Variants in LRBA observed in about 807,000 individuals in gnomAD.
LRBA encodes lipopolysaccharide-responsive and beige-like anchor protein.
Under a neutral mutation model 330.0 loss-of-function variants are expected in LRBA, and 176 were observed. The ratio of observed to expected loss-of-function variants is 0.53; its 90% CI spans 0.47 to 0.60. The LOEUF (loss-of-function observed/expected upper bound fraction) is 0.60, where lower values mean the gene tolerates loss of function less well. LRBA is among the 20% of genes least tolerant of loss of function. The pLI, the probability that LRBA is intolerant of heterozygous loss-of-function variation, is 0.00. For synonymous variants in LRBA, 1,230 were observed against 1,193.0 expected, an observed-to-expected ratio of 1.03 and a Z score of -0.64; for missense variants, 3,259 against 3,444.8, an observed-to-expected ratio of 0.95 and a Z score of 1.35.
intron 47 of LRBA, among the ~76,000 whole-genome samples, chr4:150,388,629 G>A (rs1218012791): frequency 4.6e-5 from 7 of 152,106 alleles, no homozygotes; most frequent in African/African-American, 1.7e-4. Context: ...AGAAGAAGTA[G>A]GAAATTGTGA....
chr4:150,745,699 A>G (rs937394702), intron 35 of LRBA, among the ~76,000 whole-genome samples: 29 of 152,258 alleles, frequency 1.9e-4, no homozygotes, highest in Admixed American at 1.8e-3. Flanking sequence ...TATCTTTAGT[A>G]GAGACGGGAT....
chr4:150,545,469 T>C (rs1765754177), intron 40 of LRBA, among the ~76,000 whole-genome samples: 2 of 152,104 alleles, frequency 1.3e-5, no homozygotes, highest in Non-Finnish European at 1.5e-5. Flanking sequence ...TAGAATCCCA[T>C]CCAGGGAATC....
intron 34 of LRBA, among the ~76,000 whole-genome samples, chr4:150,791,164 G>A (rs1209609814): frequency 1.3e-5 from 2 of 152,146 alleles, no homozygotes; most frequent in East Asian, 3.8e-4. Context: ...TTGTTGCCCA[G>A]GCTGGTCTCA....
At chr4:150,843,996 C>T in intron 28 of LRBA, 104 bp downstream of exon 28, 2 of 649,988 alleles carry the variant, frequency 3.1e-6, no homozygotes, top group Middle Eastern at 2.7e-4. Flanking sequence ...TCTATCTCTG[C>T]TCCACTATTT....
chr4:150,756,203 C>A (rs1734276421), intron 35 of LRBA, among the ~76,000 whole-genome samples: 1 of 152,132 alleles, frequency 6.6e-6, no homozygotes, highest in Admixed American at 6.6e-5. Context: ...ACCAACAAAT[C>A]ATTACAAATT....
At chr4:150,513,612 TC>T (rs2152140931) in intron 40 of LRBA, among the ~76,000 whole-genome samples, 1 of 152,254 alleles carries the variant, frequency 6.6e-6, no homozygotes, top group African/African-American at 2.4e-5. Flanking sequence ...AAGTCCAAGA[TC>T]AAGTTGCCAG....
intron 37 of LRBA, among the ~76,000 whole-genome samples, chr4:150,607,271 G>A (rs749092914): frequency 8.5e-5 from 13 of 152,080 alleles, no homozygotes; most frequent in South Asian, 4.2e-4. Context: ...TATGCTACAC[G>A]GCAGCAACAT....
At chr4:150,493,330 G>A (rs1759188873) in intron 40 of LRBA, among the ~76,000 whole-genome samples, 1 of 152,182 alleles carries the variant, frequency 6.6e-6, no homozygotes, top group Non-Finnish European at 1.5e-5. Flanking sequence ...TGCCTCTTCA[G>A]CACTAGAATA....
intron 22 of LRBA, among the ~76,000 whole-genome samples, chr4:150,859,080 G>T (rs1016423606): frequency 1.3e-5 from 2 of 151,984 alleles, no homozygotes; most frequent in Non-Finnish European, 2.9e-5. Flanking sequence ...TACAGTGACT[G>T]AAATTTATAC....
At chr4:150,708,240 C>T (rs1785829936) in intron 36 of LRBA, among the ~76,000 whole-genome samples, 2 of 151,804 alleles carry the variant, frequency 1.3e-5, no homozygotes, top group Admixed American at 1.3e-4. Context: ...ACTTACTCTC[C>T]AGAGCAGAGA....
chr4:150,655,007 T>C (rs1780050598), intron 37 of LRBA, among the ~76,000 whole-genome samples: 1 of 152,156 alleles, frequency 6.6e-6, no homozygotes, highest in African/African-American at 2.4e-5. Flanking sequence ...TAAACATACG[T>C]GTGCATGTGT....
chr4:150,354,431 C>G (rs1229823002), intron 47 of LRBA, among the ~76,000 whole-genome samples: 2 of 152,116 alleles, frequency 1.3e-5, no homozygotes, highest in Non-Finnish European at 2.9e-5. Flanking sequence ...ATGCTGCTCT[C>G]AAACCTAACC....
At chr4:151,014,909 G>T in intron 1 of LRBA, 48 bp from the exon 2 acceptor site, 1 of 392,588 alleles carries the variant, frequency 2.5e-6, no homozygotes, top group East Asian at 3.9e-5. Context: ...TTTGTTTTAG[G>T]GTTTTGAGGG....
chr4:150,298,322 T>C (rs1438564548), intron 53 of LRBA, among the ~76,000 whole-genome samples: 1 of 152,132 alleles, frequency 6.6e-6, no homozygotes, highest in Non-Finnish European at 1.5e-5. Flanking sequence ...GAGTAGTCTA[T>C]GTGTATCAGT....
At chr4:150,977,651 G>C (rs1042367151) in intron 2 of LRBA, among the ~76,000 whole-genome samples, 5 of 152,146 alleles carry the variant, frequency 3.3e-5, no homozygotes, top group African/African-American at 1.2e-4. Context: ...ACATGCCCTG[G>C]GCCAGAAGAG....
At chr4:150,921,166 TG>T in intron 5 of LRBA, 31 bp downstream of exon 5, 2 of 1,387,074 alleles carry the variant, frequency 1.4e-6, no homozygotes, top group East Asian at 2.3e-5. Context: ...AAAGAAGAAC[TG>T]GGAGTGATTT....
At chr4:150,874,113 T>C (rs1019824101) in intron 17 of LRBA, among the ~76,000 whole-genome samples, 2 of 152,238 alleles carry the variant, frequency 1.3e-5, no homozygotes, top group Non-Finnish European at 2.9e-5. Flanking sequence ...TTTGAGTTTT[T>C]TTCCCCAAAG....
At chr4:150,765,262 T>C (rs763772437) in intron 34 of LRBA, among the ~76,000 whole-genome samples, 1 of 151,844 alleles carries the variant, frequency 6.6e-6, no homozygotes, top group Non-Finnish European at 1.5e-5. Context: ...TAGGGGTTAG[T>C]GGGAATGGAG....
intron 48 of LRBA, among the ~76,000 whole-genome samples, chr4:150,345,503 T>C (rs1241602445): frequency 2.0e-5 from 3 of 152,198 alleles, no homozygotes; most frequent in African/African-American, 7.2e-5. Context: ...GGGATTTAAC[T>C]GTGAGCAACA....
Sources: gnomAD v4.1 joint callset for allele counts (sites outside exome capture counted in the v4.1 genomes callset) on GRCh38, gnomAD v4.1.1 for gene constraint, MANE v1.5 for transcripts, NCBI Gene and HGNC (gene_info 2026-07-23, HGNC 2026-07-21) for gene names.